Variants in GNB1 observed in about 807,000 individuals in gnomAD.
GNB1 encodes the protein guanine nucleotide-binding protein G(I)/G(S)/G(T) subunit beta-1.
A neutral mutation model predicts 42.9 loss-of-function variants in GNB1; 2 were observed. The ratio of observed to expected loss-of-function variants is 0.05; its 90% CI spans 0.02 to 0.15. GNB1 has a LOEUF of 0.15. Ranked by LOEUF, GNB1 falls within the 10% of genes least tolerant of loss-of-function variation. The pLI is 1.00. For missense variants in GNB1, 193 were observed against 462.2 expected (o/e 0.42, Z 5.34); for synonymous variants, 183 against 174.7 (o/e 1.05, Z -0.38).
intron 5 of GNB1, among the ~76,000 whole-genome samples, chr1:1,811,262 A>G (rs1367797825): frequency 6.6e-6 from 1 of 151,062 alleles, no homozygotes; most frequent in Non-Finnish European, 1.5e-5. Context: ...TAATTTTTGT[A>G]TTTTTAGTAG....
chr1:1,866,004 C>T (rs963304790), intron 1 of GNB1, among the ~76,000 whole-genome samples: 3 of 151,412 alleles, frequency 2.0e-5, no homozygotes, highest in Non-Finnish European at 2.9e-5. Flanking sequence ...AATGGCGCAA[C>T]GTTGGCTCAC....
Position 1,806,346 on chromosome 1 carries a change from A to T in GNB1, c.267+129T>A. The T allele has an allele frequency of 8.3e-6, 5 of 603,482 alleles. No individual in the cohort carries two copies. In the South Asian group the frequency reaches 1.1e-4, roughly 14 times the overall value. The allele number at this position is 603,482 out of a possible 1,614,324, so 37.4% of individuals were successfully genotyped here. On this transcript the variant is annotated intron_variant, in intron 6 of 11. Transcript: ENST00000378609. ...TCTATCTCACCTGCGCAACTTCACT[A>T]CTAACAAACAGAGCTTGCCGCTGCT... is the stretch of plus-strand genomic sequence containing the variant.
intron 1 of GNB1, among the ~76,000 whole-genome samples, chr1:1,881,807 G>C (rs535824298): frequency 1.3e-5 from 2 of 152,278 alleles, no homozygotes; most frequent in South Asian, 4.1e-4. Flanking sequence ...GCTCTTATGC[G>C]CTTGATAAAT....
chr1:1,826,472 GGAA>G (rs1647000003), intron 2 of GNB1, among the ~76,000 whole-genome samples: 1 of 152,074 alleles, frequency 6.6e-6, no homozygotes, highest in African/African-American at 2.4e-5. Flanking sequence ...AAGACCTAGG[GGAA>G]GTTACTTCAG....
Position 1,786,178 on chromosome 1 carries a change from G to A in GNB1, c.*885C>T, listed in dbSNP as rs1458283125. ...CAAGCACAGGACAGGCATCTCTCTT[G>A]AAAACAGAGGTTCCTCCTAGTTGGG... On this transcript the variant is annotated 3_prime_UTR_variant, in exon 12 of 12. Coordinates refer to ENST00000378609, the MANE Select transcript of GNB1 (RefSeq NM_002074.5). 2.5e-6 allele frequency: 1 copy of A among 398,104 alleles called. No homozygotes were observed. The highest frequency in any genetic ancestry group is 4.4e-6 in the Non-Finnish European group (1 of 225,744). 24.7% of individuals were successfully genotyped at this position (398,104 alleles called of 1,614,324 possible).
At position 1,884,973 on chromosome 1, in the gene GNB1, G is replaced by A. The variant is rs190010632; in HGVS notation, c.-96+5847C>T. Among the ~76,000 whole-genome samples the A allele has an allele frequency of 3.1e-4, 47 of 151,818 alleles. 1 individual carries two copies. Among genetic ancestry groups the A allele is most frequent in the Admixed American group, 3.0e-3 (46 of 15,224 alleles). On this transcript the variant is annotated intron_variant, in intron 1 of 11. Transcript: ENST00000378609. ...GCTGGGATTACAGGCATGAGCCACC[G>A]TGCCCGGCCAGTATTCCAATTCTAA...
chr1:1,861,299 C>CA (rs869255300), intron 1 of GNB1, among the ~76,000 whole-genome samples: 3 of 151,696 alleles, frequency 2.0e-5, no homozygotes, highest in Non-Finnish European at 4.4e-5. Context: ...TCCACACACA[C>CA]AAAAAAATTT....
intron 7 of GNB1, 195 bp from the exon 8 acceptor site, chr1:1,793,506 C>T (rs1646507839): frequency 8.7e-6 from 4 of 458,978 alleles, no homozygotes; most frequent in East Asian, 3.4e-5. Context: ...GAGAGCCTGG[C>T]CAGGCAGGAC....
intron 1 of GNB1, among the ~76,000 whole-genome samples, chr1:1,860,269 G>A (rs1302452379): frequency 6.6e-6 from 1 of 152,006 alleles, no homozygotes; most frequent in Non-Finnish European, 1.5e-5. Flanking sequence ...AGACAATGGG[G>A]ACTATTAGAC....
intron 7 of GNB1, among the ~76,000 whole-genome samples, chr1:1,797,863 C>T (rs1484856794): frequency 6.6e-6 from 1 of 152,248 alleles, no homozygotes; most frequent in East Asian, 1.9e-4. Flanking sequence ...ACAGGACACA[C>T]TGAAAGGCAG....
chr1:1,867,566 CTCTTA>C (rs1649012736), intron 1 of GNB1, among the ~76,000 whole-genome samples: 1 of 152,128 alleles, frequency 6.6e-6, no homozygotes, highest in South Asian at 2.1e-4. Flanking sequence ...AATAAGCATT[CTCTTA>C]TTTCTTCCTT....
intron 2 of GNB1, among the ~76,000 whole-genome samples, chr1:1,830,373 G>A (rs532978340): frequency 5.2e-4 from 79 of 151,478 alleles, no homozygotes; most frequent in African/African-American, 1.8e-3. Flanking sequence ...CCACTCTCCT[G>A]CCTCAGCCTC....
Position 1,843,185 on chromosome 1 carries a change from TA to T in GNB1, c.-95-3948del, listed in dbSNP as rs531559676. 4.6e-5 allele frequency among the ~76,000 whole-genome samples: 7 copies of T among 152,210 alleles called. No individual in the cohort carries two copies. The South Asian group carries it at 1.0e-3, about 23-fold the overall frequency. ...GGACAGGTAGGAAGAGAAATACTAC[TA>T]AAAAAAATTATACATAATCTGCTCT... On this transcript the variant is annotated intron_variant, in intron 1 of 11. Coordinates refer to ENST00000378609, the MANE Select transcript of GNB1 (RefSeq NM_002074.5).
chr1:1,825,782 G>A (rs2144688), intron 2 of GNB1, among the ~76,000 whole-genome samples: 18,576 of 151,478 alleles, frequency 0.12, 1,994 homozygotes, highest in African/African-American at 0.28. Flanking sequence ...GGAGAATGGC[G>A]TGAACCTGGG....
chr1:1,807,773 T>C (rs537925903), intron 5 of GNB1, among the ~76,000 whole-genome samples: 67 of 151,784 alleles, frequency 4.4e-4, no homozygotes, highest in African/African-American at 1.3e-3. Context: ...AGTGGCGCCA[T>C]CTCGGCTCAC....
chr1:1,793,124 C>A, intron 8 of GNB1, 121 bp downstream of exon 8: 1 of 551,362 alleles, frequency 1.8e-6, no homozygotes, highest in Non-Finnish European at 3.3e-6. Flanking sequence ...AATCTTAAGG[C>A]CACTTAAATT....
intron 1 of GNB1, among the ~76,000 whole-genome samples, chr1:1,842,437 A>T (rs1225877203): frequency 6.6e-6 from 1 of 151,012 alleles, no homozygotes; most frequent in African/African-American, 2.4e-5. Context: ...TCCATCTCAA[A>T]AAAAAAAAAA....
At chr1:1,874,605 T>TAAAAA (rs34864042) in intron 1 of GNB1, among the ~76,000 whole-genome samples, 18 of 47,020 alleles carry the variant, frequency 3.8e-4, no homozygotes, top group African/African-American at 1.5e-3. Context: ...AGACTCCATC[T>TAAAAA]AAAAAAAAAA....
chr1:1,846,733 GTTTC>G (rs879691219), intron 1 of GNB1, among the ~76,000 whole-genome samples: 3 of 152,198 alleles, frequency 2.0e-5, no homozygotes, highest in Non-Finnish European at 2.9e-5. Context: ...TAAATTTTTT[GTTTC>G]TTTATGGAGA....
Sources: allele counts gnomAD v4.1 joint callset (sites outside exome capture counted in the v4.1 genomes callset), GRCh38; gene constraint gnomAD v4.1.1; transcripts MANE v1.5; gene names NCBI Gene and HGNC (gene_info 2026-07-23, HGNC 2026-07-21).